RBFOX3: variants seen among roughly 807,000 people sequenced by gnomAD.
The protein encoded by RBFOX3 is RNA binding protein fox-1 homolog 3.
A neutral mutation model predicts 48.7 loss-of-function variants in RBFOX3; 17 were observed. The ratio of observed to expected loss-of-function variants is 0.35; its 90% CI spans 0.24 to 0.52. The LOEUF is 0.52. Among genes scored for constraint, RBFOX3 ranks in the 20% least tolerant of loss-of-function variants. The pLI, the probability that RBFOX3 is intolerant of heterozygous loss-of-function variation, is 0.94. For synonymous variants in RBFOX3, 212 were observed against 209.5 expected (o/e 1.01, Z -0.10); for missense variants, 382 against 497.5 (o/e 0.77, Z 2.21).
At chr17:79,455,121 G>A (rs906553608) in intron 2 of RBFOX3, among the ~76,000 whole-genome samples, 9 of 152,074 alleles carry the variant, frequency 5.9e-5, no homozygotes, top group East Asian at 1.9e-4. Flanking sequence ...GCACAGGCCC[G>A]GCAGCATCCC....
intron 1 of RBFOX3, among the ~76,000 whole-genome samples, chr17:79,606,517 AAACT>A (rs1257052473): frequency 6.6e-6 from 1 of 152,174 alleles, no homozygotes; most frequent in Non-Finnish European, 1.5e-5. Context: ...AGCTACAAAT[AAACT>A]AACAGACTTT....
chr17:79,665,254 A>C, the RBFOX3 span, among the ~76,000 whole-genome samples: 1 of 152,162 alleles, frequency 6.6e-6, no homozygotes, highest in Non-Finnish European at 1.5e-5. Flanking sequence ...TCCCCTTTTT[A>C]TCTCTCTTAC....
chr17:79,309,835 G>A (rs1315177798), intron 2 of RBFOX3, among the ~76,000 whole-genome samples: 4 of 152,098 alleles, frequency 2.6e-5, no homozygotes, highest in Non-Finnish European at 4.4e-5. Flanking sequence ...CATGTAAGAC[G>A]CACCTCACTT....
chr17:79,197,320 C>T (rs1447077314), intron 4 of RBFOX3, among the ~76,000 whole-genome samples: 1 of 151,714 alleles, frequency 6.6e-6, no homozygotes, highest in Non-Finnish European at 1.5e-5. Flanking sequence ...CCCCTCCACA[C>T]TGCCATTCAC....
intron 1 of RBFOX3, among the ~76,000 whole-genome samples, chr17:79,576,944 C>A (rs2092882638): frequency 6.6e-6 from 1 of 152,186 alleles, no homozygotes; most frequent in Non-Finnish European, 1.5e-5. Context: ...ATGTTTCCTG[C>A]TGTCCACCTT....
chr17:79,439,248 G>C (rs1301050002), intron 2 of RBFOX3, among the ~76,000 whole-genome samples: 1 of 152,244 alleles, frequency 6.6e-6, no homozygotes. Flanking sequence ...GAGGCTGCTT[G>C]CAGAGCAGCA....
At chr17:79,646,788 AG>A in the RBFOX3 span, among the ~76,000 whole-genome samples, 2 of 152,132 alleles carry the variant, frequency 1.3e-5, no homozygotes, top group Non-Finnish European at 2.9e-5. Context: ...CTCTGCCGCC[AG>A]CACCCTGACT....
chr17:79,121,496 C>T (rs2035727388), intron 4 of RBFOX3, among the ~76,000 whole-genome samples: 1 of 152,200 alleles, frequency 6.6e-6, no homozygotes, highest in Admixed American at 6.5e-5. Context: ...CACTCCAAGC[C>T]AGTGTTCCGA....
chr17:79,463,633 T>C (rs1201035701), intron 2 of RBFOX3, among the ~76,000 whole-genome samples: 5 of 101,800 alleles, frequency 4.9e-5, no homozygotes, highest in African/African-American at 8.1e-5. Context: ...CCACCGCCAC[T>C]GCCACCGCCA....
intron 1 of RBFOX3, among the ~76,000 whole-genome samples, chr17:79,511,316 C>T (rs1200078037): frequency 6.6e-6 from 1 of 152,166 alleles, no homozygotes; most frequent in Non-Finnish European, 1.5e-5. Flanking sequence ...TGACATGTTA[C>T]CTATGCATTT....
intron 1 of RBFOX3, among the ~76,000 whole-genome samples, chr17:79,585,148 T>A (rs1658750274): frequency 6.6e-6 from 1 of 152,178 alleles, no homozygotes; most frequent in Non-Finnish European, 1.5e-5. Flanking sequence ...CAGCGTCCAC[T>A]GCTGGGAGGA....
In RBFOX3 at chr17:79,480,984, A is replaced by G. The variant is rs1026324011; in HGVS notation, c.-175+1470T>C. Among the ~76,000 whole-genome samples the G allele has an allele frequency of 1.1e-4, 17 of 152,138 alleles. No homozygotes were observed. The highest frequency in any genetic ancestry group is 2.2e-4 in the Non-Finnish European group (15 of 68,028). On this transcript the variant is annotated intron_variant, in intron 2 of 14. Transcript: ENST00000693108. The surrounding 1 kb of genome is among the most constrained non-coding windows in gnomAD (Gnocchi z 4.8). ...GGGGCTCAAGGTTGTGGAATGAACA[A>G]TGTAGGGCAGTCTGGATGGATGAGC... is the stretch of plus-strand genomic sequence containing the variant.
chr17:79,134,355 T>G (rs1013265558), intron 4 of RBFOX3, among the ~76,000 whole-genome samples: 1 of 152,266 alleles, frequency 6.6e-6, no homozygotes, highest in Non-Finnish European at 1.5e-5. Flanking sequence ...AGTCCCCTGA[T>G]GATCCCTTCT....
chr17:79,655,193 ACCC>A, the RBFOX3 span, among the ~76,000 whole-genome samples: 5 of 152,128 alleles, frequency 3.3e-5, no homozygotes, highest in Non-Finnish European at 7.3e-5. Flanking sequence ...AAAGCCCTGC[ACCC>A]GGACCAGCAC....
chr17:79,632,661 C>G, the RBFOX3 span, among the ~76,000 whole-genome samples: 7 of 151,640 alleles, frequency 4.6e-5, no homozygotes, highest in East Asian at 9.7e-4. Flanking sequence ...CCCAGCACTT[C>G]CGGAGGCTGA....
At chr17:79,584,644 T>C (rs962560556) in intron 1 of RBFOX3, among the ~76,000 whole-genome samples, 4 of 152,212 alleles carry the variant, frequency 2.6e-5, no homozygotes, top group Non-Finnish European at 5.9e-5. Context: ...CTGGAGACTA[T>C]TATTCTAAGT....
At chr17:79,579,461 C>A (rs2092973085) in intron 1 of RBFOX3, among the ~76,000 whole-genome samples, 1 of 152,208 alleles carries the variant, frequency 6.6e-6, no homozygotes. Context: ...GTCTTGCAGA[C>A]CATCTCCACA....
At chr17:79,551,019 T>G (rs1359142127) in intron 1 of RBFOX3, among the ~76,000 whole-genome samples, 2 of 152,252 alleles carry the variant, frequency 1.3e-5, no homozygotes, top group Non-Finnish European at 2.9e-5. Context: ...ATGTGGCTAC[T>G]GAACACTTGA....
At chr17:79,562,077 C>G (rs2092258388) in intron 1 of RBFOX3, among the ~76,000 whole-genome samples, 1 of 152,262 alleles carries the variant, frequency 6.6e-6, no homozygotes, top group Non-Finnish European at 1.5e-5. Context: ...ACCAGTACGT[C>G]TGTGACATGC....
Sources: gnomAD v4.1 joint callset for allele counts (sites outside exome capture counted in the v4.1 genomes callset) on GRCh38, gnomAD v4.1.1 for gene constraint, Gnocchi (gnomAD v3.1) non-coding constraint, MANE v1.5 for transcripts, NCBI Gene and HGNC (gene_info 2026-07-23, HGNC 2026-07-21) for gene names.